The following BNC1 variants were observed in gnomAD, a reference collection of about 807,000 sequenced individuals.
The protein encoded by BNC1 is basonuclin zinc finger protein 1.
A neutral mutation model predicts 66.5 loss-of-function variants in BNC1; 8 were observed. That is an observed-to-expected ratio of 0.12 (90% CI 0.07 to 0.22). The LOEUF is 0.22. Ranked by LOEUF, BNC1 falls within the 10% of genes least tolerant of loss-of-function variation. The probability of loss-of-function intolerance (pLI) is 1.00; values close to 1 mark genes in which losing one functional copy is unlikely to be tolerated. For missense variants in BNC1, 1,069 were observed against 1,241.3 expected, an observed-to-expected ratio of 0.86 and a Z score of 2.09; for synonymous variants, 454 against 452.6, an observed-to-expected ratio of 1.00 and a Z score of -0.04.
rs1596586497 is a variant in BNC1 at position 83,256,026 on chromosome 15, T to C, written c.*1416A>G. ...GTTGAAAGATACATTTCACTTTAAATAGAAACAAGTTTTAAGTTGTCACAC... is the reference window on the plus strand; with the variant it reads ...GTTGAAAGATACATTTCACTTTAAACAGAAACAAGTTTTAAGTTGTCACAC... On this transcript the variant is annotated 3_prime_UTR_variant, in exon 5 of 5. Transcript: ENST00000345382. The C allele has an allele frequency of 2.0e-5, 3 of 152,602 alleles. No individual in the cohort carries two copies. The highest frequency in any genetic ancestry group is 1.3e-4 in the Admixed American group (2 of 15,278). 9.5% of individuals were successfully genotyped at this position (152,602 alleles called of 1,614,324 possible). A position where few individuals can be genotyped will look rare whatever the true frequency, so the allele number is the denominator to read the frequency against.
In BNC1 at chr15:83,263,585, C is replaced by G. The variant is rs1203725652; in HGVS notation, c.1666G>C (p.Glu556Gln). ...IEKEAVEIAN[E>Q]KRHNLSSDED... Reference sequence around the variant, plus strand: ...TCTGAGCTGAGGTTGTGTCTTTTCTCATTAGCTATTTCCACAGCTTCTTTC... The same window carrying G: ...TCTGAGCTGAGGTTGTGTCTTTTCTGATTAGCTATTTCCACAGCTTCTTTC... Residue 556 changes from glutamate (E) to glutamine (Q), a missense_variant, in exon 4 of 5, where the codon GAG becomes CAG. This residue lies in a region of BNC1 where 657 missense variants were observed against 715.8 expected (regional missense o/e 0.92). Coordinates refer to ENST00000345382, the MANE Select transcript of BNC1 (RefSeq NM_001717.4). The G allele has an allele frequency of 1.2e-6, 2 of 1,614,120 alleles. No homozygotes were observed. The highest frequency in any genetic ancestry group is 2.7e-5 in the African/African-American group (2 of 74,936).
rs1250155453 is a variant in BNC1 at position 83,256,044 on chromosome 15, T to C, written c.*1398A>G. 1.3e-5 allele frequency: 2 copies of C among 152,666 alleles called. No homozygotes were observed. The highest frequency in any genetic ancestry group is 2.9e-5 in the Non-Finnish European group (2 of 68,048). The allele number at this position is 152,666 out of a possible 1,614,324, so 9.5% of individuals were successfully genotyped here. ...CTTTAAATAGAAACAAGTTTTAAGTTGTCACACTTATTAAAACAAAAAAAG... is the reference window on the plus strand; with the variant it reads ...CTTTAAATAGAAACAAGTTTTAAGTCGTCACACTTATTAAAACAAAAAAAG... On this transcript the variant is annotated 3_prime_UTR_variant, in exon 5 of 5. Coordinates refer to ENST00000345382, the MANE Select transcript of BNC1 (RefSeq NM_001717.4).
At chr15:83,259,479 T>A (rs1445914836) in intron 4 of BNC1, among the ~76,000 whole-genome samples, 1 of 152,194 alleles carries the variant, frequency 6.6e-6, no homozygotes, top group Non-Finnish European at 1.5e-5. Context: ...TCTATTCCCT[T>A]ACACATATAT....
At chr15:83,267,863 T>C (rs572813502) in intron 2 of BNC1, among the ~76,000 whole-genome samples, 2 of 152,316 alleles carry the variant, frequency 1.3e-5, no homozygotes, top group African/African-American at 4.8e-5. Context: ...GAGGCTGTAA[T>C]AGATAGAACA....
intron 1 of BNC1, among the ~76,000 whole-genome samples, chr15:83,281,100 G>A (rs2038373660): frequency 6.6e-6 from 1 of 152,218 alleles, no homozygotes; most frequent in Non-Finnish European, 1.5e-5. Context: ...GGAGAAACAA[G>A]TCTGTTCTCT....
chr15:83,263,184 G>A lies in BNC1; in HGVS notation c.2067C>T (p.Asn689=). 6.2e-7 allele frequency: 1 copy of A among 1,614,186 alleles called. No homozygotes were observed. The part of the protein sequence containing the change: ...LAGGLFSALS[N]RGMAFPCLED... ...CAAGACAAGGAAAAGCCATTCCCCT[G>A]TTGGACAAAGCACTGAAGAGTCCCC... Residue 689 remains asparagine, a synonymous_variant, in exon 4 of 5, where the codon AAC becomes AAT. Coordinates refer to ENST00000345382, the MANE Select transcript of BNC1 (RefSeq NM_001717.4).
intron 1 of BNC1, among the ~76,000 whole-genome samples, chr15:83,280,796 C>T (rs1222719870): frequency 6.6e-6 from 1 of 152,092 alleles, no homozygotes; most frequent in African/African-American, 2.4e-5. Flanking sequence ...TGTAGGAGAC[C>T]ATCAAACTAA....
chr15:83,259,061 A>C (rs1863086549), intron 4 of BNC1, among the ~76,000 whole-genome samples: 1 of 152,234 alleles, frequency 6.6e-6, no homozygotes, highest in Non-Finnish European at 1.5e-5. Context: ...TATACCAGAC[A>C]GAAGTTTTGC....
chr15:83,269,316 A>C lies in BNC1; in HGVS notation c.100-1084T>G, dbSNP rs376845038. On this transcript the variant is annotated intron_variant, in intron 1 of 4. Transcript: ENST00000345382. ...AAGGAGATACAGTACTGAAGAATAT[A>C]ATCTATTATTAAACAGAAAAAGCCC... 2.6e-5 allele frequency among the ~76,000 whole-genome samples: 4 copies of C among 152,354 alleles called. No individual in the cohort carries two copies. The South Asian group carries it at 8.3e-4, about 32-fold the overall frequency.
chr15:83,278,852 T>C (rs942400443), intron 1 of BNC1, among the ~76,000 whole-genome samples: 1 of 152,192 alleles, frequency 6.6e-6, no homozygotes, highest in Non-Finnish European at 1.5e-5. Context: ...ACAGGAATGT[T>C]TAAATGATAC....
chr15:83,266,757 AG>A (rs1654272081), intron 3 of BNC1, 78 bp downstream of exon 3: 1 of 1,238,290 alleles, frequency 8.1e-7, no homozygotes, highest in South Asian at 1.2e-5. Context: ...TAGCATTGGG[AG>A]GTAACTGGGT....
At chr15:83,259,651 A>G (rs1315737347) in intron 4 of BNC1, among the ~76,000 whole-genome samples, 1 of 152,186 alleles carries the variant, frequency 6.6e-6, no homozygotes, top group African/African-American at 2.4e-5. Context: ...TCCAGTACAT[A>G]CAAGTGGTTA....
chr15:83,284,387 G>C (rs1407515586), intron 1 of BNC1, 143 bp downstream of exon 1: 8 of 447,212 alleles, frequency 1.8e-5, no homozygotes, highest in South Asian at 1.8e-4. Context: ...GCCGCGCCTC[G>C]GGGCCGCGCT....
At chr15:83,284,161 G>A (rs529834496) in intron 1 of BNC1, among the ~76,000 whole-genome samples, 158 of 152,204 alleles carry the variant, frequency 1.0e-3, no homozygotes, top group Non-Finnish European at 1.8e-3. Context: ...CTAACGTCCT[G>A]GGCTGAAGCC....
chr15:83,284,620 C>G lies in BNC1; in HGVS notation c.9G>C (p.Arg3=). ...CGCGTCCGCCCCGGCTCGGCGGGCGCCGCCGCATCCACGCTCCGGCCGTCG... is the reference window on the plus strand; with the variant it reads ...CGCGTCCGCCCCGGCTCGGCGGGCGGCGCCGCATCCACGCTCCGGCCGTCG... MR[R]RPPSRGGRGA... The change falls in exon 1 of 5, where the codon CGG becomes CGC. Residue 3 remains arginine (R), a synonymous_variant. Coordinates refer to ENST00000345382, the MANE Select transcript of BNC1 (RefSeq NM_001717.4). 6 of 998,420 alleles carry G rather than the reference C, an allele frequency of 6.0e-6. No individual in the cohort carries two copies. Among genetic ancestry groups the G allele is most frequent in the Non-Finnish European group, 6.0e-6 (5 of 840,106 alleles). 61.8% of individuals were successfully genotyped at this position (998,420 alleles called of 1,614,324 possible).
chr15:83,269,443 G>A (rs537839988), intron 1 of BNC1, among the ~76,000 whole-genome samples: 9 of 152,194 alleles, frequency 5.9e-5, no homozygotes, highest in African/African-American at 1.4e-4. Context: ...GTGTGTGTGT[G>A]TGCGCGCGCA....
At chr15:83,283,455 G>C (rs552906575) in intron 1 of BNC1, 1 of 1,218,642 alleles carries the variant, frequency 8.2e-7, no homozygotes, top group African/African-American at 1.6e-5. Context: ...GCACGGAACC[G>C]ACGGGGCGCT....
rs192637051 is a variant in BNC1 at position 83,262,995 on chromosome 15, C to T, written c.2256G>A (p.Val752=). ...MHVKEMHTCT[V]EGCNATFPSR... Reference sequence around the variant, plus strand: ...AGGGAAAGGTAGCATTACAGCCCTCCACTGTGCATGTGTGCATTTCTTTGA... The same window carrying T: ...AGGGAAAGGTAGCATTACAGCCCTCTACTGTGCATGTGTGCATTTCTTTGA... Residue 752 remains valine (V), a synonymous_variant, in exon 4 of 5, where the codon GTG becomes GTA. Transcript: ENST00000345382. 23 of 1,614,030 alleles carry T rather than the reference C, an allele frequency of 1.4e-5. No individual in the cohort carries two copies. The Admixed American group carries it at 2.5e-4, about 18-fold the overall frequency.
chr15:83,266,014 A>G (rs181584556), intron 3 of BNC1, among the ~76,000 whole-genome samples: 41 of 152,352 alleles, frequency 2.7e-4, no homozygotes, highest in Non-Finnish European at 5.3e-4. Context: ...GCAAGAAAAT[A>G]CAATGCTGTA....
Sources: gnomAD v4.1 joint callset for allele counts (sites outside exome capture counted in the v4.1 genomes callset) on GRCh38, gnomAD v4.1.1 for gene constraint, gnomAD v4.1.1 regional missense constraint, MANE v1.5 for transcripts, NCBI Gene and HGNC (gene_info 2026-07-23, HGNC 2026-07-21) for gene names.